Variants in FGF13 observed in about 807,000 individuals in gnomAD.
FGF13 encodes fibroblast growth factor 13, also known as fibroblast growth factor homologous factor 2.
Under a neutral mutation model 19.5 loss-of-function variants are expected in FGF13, and 2 were observed. The observed-to-expected ratio is 0.10, with a 90% CI of 0.04 to 0.32. The LOEUF (loss-of-function observed/expected upper bound fraction) is 0.32. Among genes scored for constraint, FGF13 ranks in the 10% least tolerant of loss-of-function variants. The pLI, the probability that FGF13 is intolerant of heterozygous loss-of-function variation, is 1.00. For missense variants in FGF13, 113 were observed against 192.7 expected (o/e 0.59, Z 2.45); for synonymous variants, 72 against 76.9 (o/e 0.94, Z 0.33).
intron 3 of FGF13, among the ~76,000 whole-genome samples, chrX:138,833,161 C>A (rs1420911220): frequency 9.0e-6 from 1 of 111,680 alleles, no homozygotes; most frequent in Non-Finnish European, 1.9e-5. Flanking sequence ...TTTGTAGGTT[C>A]CATATGAATT....
intron 1 of FGF13, among the ~76,000 whole-genome samples, chrX:138,721,641 T>A (rs1277275244): frequency 1.8e-5 from 2 of 110,651 alleles, no homozygotes; most frequent in African/African-American, 6.6e-5. Context: ...TAGTTCCATC[T>A]CTGTATCTTT....
At chrX:138,662,609 G>A (rs1304278610) in intron 3 of FGF13, among the ~76,000 whole-genome samples, 1 of 111,718 alleles carries the variant, frequency 9.0e-6, no homozygotes, top group Non-Finnish European at 1.9e-5. Context: ...CAGGTAAAAT[G>A]GCAAATCTGA....
intron 1 of FGF13, among the ~76,000 whole-genome samples, chrX:139,020,827 G>A (rs1253929374): frequency 1.8e-5 from 2 of 111,164 alleles, no homozygotes; most frequent in African/African-American, 3.3e-5. Flanking sequence ...TTGGTTGTTA[G>A]GGGTGGAGAA....
chrX:138,658,944 T>C (rs928241240), intron 3 of FGF13, among the ~76,000 whole-genome samples: 3 of 111,886 alleles, frequency 2.7e-5, no homozygotes, highest in African/African-American at 9.7e-5. Context: ...CATTCGCCTC[T>C]ATCACCTGTA....
In FGF13 at chrX:138,766,237, T is replaced by C. The variant is rs773397979; in HGVS notation, c.218-57309A>G. The stretch of plus-strand genomic sequence containing the variant: ...GTTTGGACTTCCTCACCATTTTATC[T>C]GTAGCACACAGATTTGCACCTGCTA... On this transcript the variant is annotated intron_variant, in intron 3 of 6. Transcript: ENST00000436198. Among the ~76,000 whole-genome samples the C allele has an allele frequency of 9.8e-5, 11 of 112,540 alleles. No homozygotes were observed. The South Asian group carries it at 4.1e-3, about 41-fold the overall frequency.
chrX:139,130,053 T>A (rs185527707), intron 1 of FGF13, among the ~76,000 whole-genome samples: 31 of 112,413 alleles, frequency 2.8e-4, no homozygotes, highest in Non-Finnish European at 4.5e-4. Flanking sequence ...AACAAAAGAT[T>A]GAACAAATAT....
chrX:139,051,674 G>C (rs989929504), intron 1 of FGF13, among the ~76,000 whole-genome samples: 2 of 112,686 alleles, frequency 1.8e-5, no homozygotes, highest in African/African-American at 6.4e-5. Context: ...AGCAGTGACT[G>C]ATCTAGAACA....
At chrX:138,646,390 T>G (rs2089306803) in intron 3 of FGF13, among the ~76,000 whole-genome samples, 1 of 111,541 alleles carries the variant, frequency 9.0e-6, no homozygotes, top group African/African-American at 3.3e-5. Context: ...TAGCTGGTAC[T>G]GGCATGTGAT....
At chrX:138,822,884 T>A (rs149593242) in intron 3 of FGF13, among the ~76,000 whole-genome samples, 192 of 111,483 alleles carry the variant, frequency 1.7e-3, no homozygotes, top group African/African-American at 6.2e-3. Context: ...CCTCTGGGAG[T>A]TCCAAGTGTA....
rs2089095990 is a variant in FGF13, at chrX:138,629,629, G to C, written c.*3221C>G. ...TTCCTGAGGCCTCCCCAGCCATGCA[G>C]AACTGTGAGTCAATTAAACCTCTTT... is the stretch of plus-strand genomic sequence containing the variant. On this transcript the variant is annotated 3_prime_UTR_variant, in exon 5 of 5. Transcript: ENST00000315930. 1 of 112,027 alleles carries C rather than the reference G, an allele frequency of 8.9e-6. No individual in the cohort carries two copies. The highest frequency in any genetic ancestry group is 3.3e-5 in the African/African-American group (1 of 30,767). The allele number at this position is 112,027 out of a possible 1,213,427, so 9.2% of individuals were successfully genotyped here. A position where few individuals can be genotyped will look rare whatever the true frequency, so the allele number is the denominator to read the frequency against.
intron 3 of FGF13, among the ~76,000 whole-genome samples, chrX:138,815,782 A>G (rs191754771): frequency 9.0e-6 from 1 of 110,984 alleles, no homozygotes; most frequent in Non-Finnish European, 1.9e-5. Flanking sequence ...TAAAAAAAAA[A>G]GAAGAAAAAA....
intron 3 of FGF13, among the ~76,000 whole-genome samples, chrX:138,662,729 A>G (rs777341863): frequency 1.2e-3 from 138 of 111,722 alleles, no homozygotes; most frequent in Non-Finnish European, 2.4e-3. Context: ...ATTCTGCAAT[A>G]AAAACATGGT....
At chrX:138,700,379 TG>T (rs2089935222) in intron 3 of FGF13, among the ~76,000 whole-genome samples, 1 of 111,749 alleles carries the variant, frequency 8.9e-6, no homozygotes, top group Non-Finnish European at 1.9e-5. Context: ...AGAAGTGCCA[TG>T]GTTTTACGCA....
chrX:138,853,007 T>C (rs752428102), downstream of FGF13, among the ~76,000 whole-genome samples: 5 of 110,846 alleles, frequency 4.5e-5, no homozygotes, highest in Admixed American at 9.6e-5. Context: ...CAAGGCCCCA[T>C]GCTTTTCTAA....
Position 138,889,628 on chromosome X carries a change from G to A in FGF13, c.-112-24978C>T, listed in dbSNP as rs149489028. On this transcript the variant is annotated intron_variant, in intron 1 of 2. Transcript: ENST00000421460. Reference sequence around the variant, plus strand: ...ACCCATCCCATAGCCTGGCTCTCTTGAAATGGCCCATAAAAGAAATGACAA... The same window carrying A: ...ACCCATCCCATAGCCTGGCTCTCTTAAAATGGCCCATAAAAGAAATGACAA... Among the ~76,000 whole-genome samples the A allele has an allele frequency of 1.7e-3, 186 of 111,704 alleles. 1 individual carries two copies. Among genetic ancestry groups the A allele is most frequent in the African/African-American group, 6.0e-3 (184 of 30,729 alleles).
chrX:139,168,548 A>C (rs1306372047), intron 1 of FGF13, among the ~76,000 whole-genome samples: 2 of 112,008 alleles, frequency 1.8e-5, no homozygotes, highest in Non-Finnish European at 3.8e-5. Flanking sequence ...TAAAATAATT[A>C]AAACACAAAT....
intron 1 of FGF13, among the ~76,000 whole-genome samples, chrX:139,064,379 T>C (rs1193061063): frequency 6.3e-5 from 5 of 78,749 alleles, no homozygotes; most frequent in Non-Finnish European, 1.1e-4. Flanking sequence ...CTCGGCTCAC[T>C]GCAAGCTCCG....
chrX:138,905,841 CTCTA>C (rs967903667), intron 1 of FGF13, among the ~76,000 whole-genome samples: 2 of 111,406 alleles, frequency 1.8e-5, no homozygotes, highest in African/African-American at 6.6e-5. Context: ...AACCACCATT[CTCTA>C]TCTGATCTAG....
At chrX:138,915,037 T>G (rs750914691) in intron 1 of FGF13, among the ~76,000 whole-genome samples, 4 of 110,337 alleles carry the variant, frequency 3.6e-5, no homozygotes, top group Non-Finnish European at 7.6e-5. Context: ...TTCCAGGGAG[T>G]TGACATTCCT....
Sources: gnomAD v4.1 joint callset for allele counts (sites outside exome capture counted in the v4.1 genomes callset) on GRCh38, gnomAD v4.1.1 for gene constraint, MANE v1.5 for transcripts, NCBI Gene and HGNC (gene_info 2026-07-23, HGNC 2026-07-21) for gene names.